PARD3B: variants seen among roughly 807,000 people sequenced by gnomAD.
PARD3B encodes the protein partitioning defective 3 homolog B.
PARD3B carries 103 observed loss-of-function variants against 130.2 expected under a neutral mutation model. The ratio of observed to expected loss-of-function variants is 0.79; its 90% CI spans 0.67 to 0.93. PARD3B has a LOEUF of 0.93. Ranked by LOEUF, PARD3B falls within the 40% of genes least tolerant of loss-of-function variation. PARD3B has a pLI of 0.00. For synonymous variants in PARD3B, 583 were observed against 553.2 expected, an observed-to-expected ratio of 1.05 and a Z score of -0.76; for missense variants, 1,609 against 1,499.2, an observed-to-expected ratio of 1.07 and a Z score of -1.21.
At chr2:205,261,325 C>T (rs1313024562) in intron 16 of PARD3B, among the ~76,000 whole-genome samples, 3 of 152,002 alleles carry the variant, frequency 2.0e-5, no homozygotes, top group Non-Finnish European at 2.9e-5. Context: ...GCAGATTTAA[C>T]TCTCCTACAT....
At chr2:204,557,809 C>T (rs973569890) in intron 1 of PARD3B, among the ~76,000 whole-genome samples, 2 of 152,156 alleles carry the variant, frequency 1.3e-5, no homozygotes, top group African/African-American at 4.8e-5. Flanking sequence ...GTTTCAAATT[C>T]TGACAGGTTG....
At chr2:204,831,415 T>C (rs2043813956) in intron 2 of PARD3B, among the ~76,000 whole-genome samples, 1 of 152,224 alleles carries the variant, frequency 6.6e-6, no homozygotes, top group Admixed American at 6.5e-5. Flanking sequence ...CATGTCTTAA[T>C]TAGAAGCCAC....
intron 15 of PARD3B, among the ~76,000 whole-genome samples, chr2:205,227,469 A>G (rs1424009084): frequency 6.6e-6 from 1 of 152,088 alleles, no homozygotes; most frequent in African/African-American, 2.4e-5. Context: ...TTGCCCTGAA[A>G]TCTATTTTGC....
At chr2:204,996,393 A>C (rs1390921242) in intron 3 of PARD3B, among the ~76,000 whole-genome samples, 1 of 152,070 alleles carries the variant, frequency 6.6e-6, no homozygotes, top group Non-Finnish European at 1.5e-5. Flanking sequence ...TAGGCTGCTC[A>C]GGGGTCAGGG....
intron 21 of PARD3B, among the ~76,000 whole-genome samples, chr2:205,542,144 CAAAAAAAAAAAAAAA>C (rs71032484): frequency 2.4e-4 from 9 of 38,068 alleles, no homozygotes; most frequent in South Asian, 3.2e-3. Flanking sequence ...ACTCCGTCTC[CAAAAAAAAAAAAAAA>C]AAAAAAAAAA....
At chr2:204,767,139 T>C (rs1217529859) in intron 2 of PARD3B, among the ~76,000 whole-genome samples, 8 of 72,722 alleles carry the variant, frequency 1.1e-4, no homozygotes, top group Admixed American at 3.2e-4. Flanking sequence ...CCCAATGCTA[T>C]CCCTCCCCCC....
At chr2:204,598,138 C>T (rs1384150365) in intron 1 of PARD3B, among the ~76,000 whole-genome samples, 1 of 152,078 alleles carries the variant, frequency 6.6e-6, no homozygotes, top group Non-Finnish European at 1.5e-5. Flanking sequence ...CCTTTGTTTC[C>T]ATCCTGAAGT....
At chr2:204,681,297 A>G (rs2036821132) in intron 1 of PARD3B, among the ~76,000 whole-genome samples, 1 of 152,160 alleles carries the variant, frequency 6.6e-6, no homozygotes, top group Admixed American at 6.5e-5. Flanking sequence ...AAATATATGT[A>G]TGGACTAATT....
At chr2:205,034,629 C>G (rs1345620620) in intron 3 of PARD3B, among the ~76,000 whole-genome samples, 1 of 152,056 alleles carries the variant, frequency 6.6e-6, no homozygotes, top group Non-Finnish European at 1.5e-5. Flanking sequence ...TTGCAATGCT[C>G]TAACTACAAA....
At position 205,121,888 on chromosome 2, in the gene PARD3B, G is replaced by A. The variant is rs765297724; in HGVS notation, c.1104G>A (p.Ser368=). ...LGGKPSSPSL[S]PLMGFGSNKN... ...GAAAACCATCCTCTCCCTCACTCTCGCCTCTCATGGGATTTGGCAGCAATA... is the reference window on the plus strand; with the variant it reads ...GAAAACCATCCTCTCCCTCACTCTCACCTCTCATGGGATTTGGCAGCAATA... Residue 368 remains serine (S), a synonymous_variant, in exon 8 of 23, where the codon TCG becomes TCA. Coordinates refer to ENST00000406610, the MANE Select transcript of PARD3B (RefSeq NM_001302769.2). The surrounding 1 kb of genome is among the most constrained non-coding windows in gnomAD (Gnocchi z 5.0). 7 of 1,613,698 alleles carry A rather than the reference G, an allele frequency of 4.3e-6. No homozygotes were observed. Among genetic ancestry groups the A allele is most frequent in the East Asian group, 4.5e-5 (2 of 44,876 alleles).
At chr2:204,879,540 T>C (rs1293818611) in intron 2 of PARD3B, among the ~76,000 whole-genome samples, 1 of 152,176 alleles carries the variant, frequency 6.6e-6, no homozygotes, top group Non-Finnish European at 1.5e-5. Context: ...CTAAGACTGC[T>C]TAGATTATAT....
In PARD3B at chr2:205,125,801, A is replaced by C; in HGVS notation, c.1434+64A>C. The C allele has an allele frequency of 6.4e-7, 1 of 1,558,488 alleles. No individual in the cohort carries two copies. The highest frequency in any genetic ancestry group is 8.7e-7 in the Non-Finnish European group (1 of 1,146,400). On this transcript the variant is annotated intron_variant, in intron 10 of 22. Transcript: ENST00000406610. The surrounding 1 kb of genome is among the most constrained non-coding windows in gnomAD (Gnocchi z 4.0). ...CGAGCTTAATACACTCAATGAACTC[A>C]TTATAGCTGAGAAACGAGTTCTAAA...
intron 2 of PARD3B, among the ~76,000 whole-genome samples, chr2:204,928,121 G>C (rs1687769493): frequency 6.6e-6 from 1 of 152,048 alleles, no homozygotes; most frequent in Non-Finnish European, 1.5e-5. Context: ...GCTGATCTAG[G>C]CCGTGTCCTC....
At chr2:204,872,414 G>A (rs1053441364) in intron 2 of PARD3B, among the ~76,000 whole-genome samples, 2 of 152,134 alleles carry the variant, frequency 1.3e-5, no homozygotes, top group Non-Finnish European at 2.9e-5. Context: ...TGTATATAGG[G>A]ACATTTAGAT....
intron 15 of PARD3B, among the ~76,000 whole-genome samples, chr2:205,198,018 G>T (rs1186074327): frequency 2.6e-5 from 4 of 152,284 alleles, no homozygotes; most frequent in East Asian, 1.9e-4. Context: ...TCCAGGCTTG[G>T]TGTTTTATGA....
At chr2:204,721,633 A>G (rs1273870604) in intron 2 of PARD3B, among the ~76,000 whole-genome samples, 1 of 152,192 alleles carries the variant, frequency 6.6e-6, no homozygotes, top group African/African-American at 2.4e-5. Flanking sequence ...GTGGTGTCAA[A>G]CTATTTTTCA....
chr2:204,902,668 C>CAAAA (rs5837941), intron 2 of PARD3B, among the ~76,000 whole-genome samples: 66 of 67,430 alleles, frequency 9.8e-4, no homozygotes, highest in East Asian at 2.4e-3. Context: ...GACTCTGTCT[C>CAAAA]AAAAAAAAAA....
intron 18 of PARD3B, among the ~76,000 whole-genome samples, chr2:205,365,549 C>CTTTTTTTT (rs3048121): frequency 0.073 from 8,250 of 113,598 alleles, 1,499 homozygotes; most frequent in African/African-American, 0.28. Context: ...CCCAACCTTC[C>CTTTTTTTT]TTTTTTTTTT....
chr2:204,780,519 C>G (rs2041798222), intron 2 of PARD3B, among the ~76,000 whole-genome samples: 1 of 152,046 alleles, frequency 6.6e-6, no homozygotes, highest in Admixed American at 6.6e-5. Context: ...TAGAATATTT[C>G]TGATTATATC....
Sources: gnomAD v4.1 joint callset for allele counts (sites outside exome capture counted in the v4.1 genomes callset) on GRCh38, gnomAD v4.1.1 for gene constraint, Gnocchi (gnomAD v3.1) non-coding constraint, MANE v1.5 for transcripts, NCBI Gene and HGNC (gene_info 2026-07-23, HGNC 2026-07-21) for gene names.